Variants in RALGPS1 observed in about 807,000 individuals in gnomAD.
The protein encoded by RALGPS1 is Ral GEF with PH domain and SH3 binding motif 1, also known as ras-specific guanine nucleotide-releasing factor RalGPS1.
Under a neutral mutation model 78.8 loss-of-function variants are expected in RALGPS1, and 19 were observed. That is an observed-to-expected ratio of 0.24 (90% CI 0.17 to 0.35). RALGPS1 has a LOEUF of 0.35. RALGPS1 is among the 10% of genes least tolerant of loss of function. RALGPS1 has a pLI of 1.00. For synonymous variants in RALGPS1, 228 were observed against 256.3 expected, an observed-to-expected ratio of 0.89 and a Z score of 1.06; for missense variants, 454 against 688.3, an observed-to-expected ratio of 0.66 and a Z score of 3.81.
At chr9:126,955,589 A>T (rs1380616407) in intron 1 of RALGPS1, among the ~76,000 whole-genome samples, 1 of 152,232 alleles carries the variant, frequency 6.6e-6, no homozygotes, top group Admixed American at 6.5e-5. Context: ...AAAGAAATAC[A>T]TATATTACTA....
In RALGPS1 at chr9:127,153,940, C is replaced by T. The variant is rs866957278; in HGVS notation, c.611-12129C>T. Among the ~76,000 whole-genome samples the T allele has an allele frequency of 7.2e-5, 11 of 152,314 alleles. No individual in the cohort carries two copies. In the South Asian group the frequency reaches 8.3e-4, roughly 11 times the overall value. On this transcript the variant is annotated intron_variant, in intron 8 of 18. Coordinates refer to ENST00000259351, the MANE Select transcript of RALGPS1 (RefSeq NM_014636.3). ...TCCAGAGGGTCAAGTTTCTTGGGTCCTTTCCCAAGGGAGTTGAGTCTCATG... is the reference window on the plus strand; with the variant it reads ...TCCAGAGGGTCAAGTTTCTTGGGTCTTTTCCCAAGGGAGTTGAGTCTCATG...
chr9:127,081,466 C>T (rs2051163639), intron 8 of RALGPS1, among the ~76,000 whole-genome samples: 1 of 152,232 alleles, frequency 6.6e-6, no homozygotes, highest in African/African-American at 2.4e-5. Flanking sequence ...TGACCTAAAT[C>T]CATGCCCTGC....
chr9:127,012,856 C>T (rs2044475288), intron 4 of RALGPS1, among the ~76,000 whole-genome samples: 1 of 152,128 alleles, frequency 6.6e-6, no homozygotes, highest in South Asian at 2.1e-4. Context: ...CACCTATTGA[C>T]CAGGCACATA....
At chr9:126,962,079 A>G (rs2038945000) in intron 1 of RALGPS1, 146 bp from the exon 2 acceptor site, 4 of 570,328 alleles carry the variant, frequency 7.0e-6, no homozygotes, top group South Asian at 2.2e-5. Context: ...TCTGTGGGCC[A>G]TAGTTAGCCT....
intron 7 of RALGPS1, 80 bp downstream of exon 7, chr9:127,053,019 T>C (rs368827196): frequency 9.9e-7 from 1 of 1,007,186 alleles, no homozygotes; most frequent in African/African-American, 1.6e-5. Flanking sequence ...GCCCCAGCCT[T>C]TCTCTTACTG....
intron 4 of RALGPS1, chr9:127,017,076 G>A (rs897517338): frequency 2.6e-5 from 4 of 152,112 alleles, no homozygotes; most frequent in African/African-American, 9.7e-5. Context: ...TTAATAATTT[G>A]TTATATTTTC....
intron 8 of RALGPS1, among the ~76,000 whole-genome samples, chr9:127,161,169 A>G (rs752668131): frequency 5.3e-5 from 8 of 152,256 alleles, no homozygotes; most frequent in Non-Finnish European, 1.0e-4. Flanking sequence ...GACAGCTCCA[A>G]GCACTGGTCC....
chr9:127,109,973 A>C (rs1296115645), intron 8 of RALGPS1, among the ~76,000 whole-genome samples: 1 of 152,240 alleles, frequency 6.6e-6, no homozygotes, highest in Admixed American at 6.5e-5. Context: ...TTGCTCCAGC[A>C]GTCCTCACCG....
intron 1 of RALGPS1, among the ~76,000 whole-genome samples, chr9:126,931,437 C>A (rs1334467149): frequency 6.6e-6 from 1 of 152,056 alleles, no homozygotes; most frequent in Admixed American, 6.6e-5. Context: ...ATTATTCAGC[C>A]ATAAAAAAGA....
At chr9:127,047,754 A>G (rs1036790378) in intron 5 of RALGPS1, among the ~76,000 whole-genome samples, 6 of 150,914 alleles carry the variant, frequency 4.0e-5, no homozygotes, top group African/African-American at 1.5e-4. Flanking sequence ...AGTGTTTATG[A>G]TGTTGGTCTA....
intron 1 of RALGPS1, among the ~76,000 whole-genome samples, chr9:126,943,789 C>T (rs2131519973): frequency 6.6e-6 from 1 of 152,296 alleles, no homozygotes; most frequent in Non-Finnish European, 1.5e-5. Context: ...CTGTAGACAG[C>T]TTCCTTCTTG....
At chr9:127,000,240 G>A (rs1457547799) in intron 4 of RALGPS1, among the ~76,000 whole-genome samples, 1 of 151,946 alleles carries the variant, frequency 6.6e-6, no homozygotes, top group Admixed American at 6.6e-5. Flanking sequence ...CTTACTTTGG[G>A]TTTAATTTGC....
At chr9:127,186,588 C>T (rs1422374088) in intron 11 of RALGPS1, among the ~76,000 whole-genome samples, 1 of 152,250 alleles carries the variant, frequency 6.6e-6, no homozygotes, top group East Asian at 1.9e-4. Context: ...CAGAGGGTGT[C>T]ACTTACTGGC....
intron 8 of RALGPS1, among the ~76,000 whole-genome samples, chr9:127,084,938 C>G (rs1451403089): frequency 6.6e-6 from 1 of 152,190 alleles, no homozygotes; most frequent in Non-Finnish European, 1.5e-5. Context: ...TAACCAGAGT[C>G]TTGACAAGTC....
At chr9:127,081,383 C>G (rs893931138) in intron 8 of RALGPS1, among the ~76,000 whole-genome samples, 5 of 152,210 alleles carry the variant, frequency 3.3e-5, no homozygotes, top group African/African-American at 1.2e-4. Flanking sequence ...CCCTGTGTTC[C>G]TACCACAGGC....
At chr9:127,203,489 A>T (rs1400681383) in intron 14 of RALGPS1, among the ~76,000 whole-genome samples, 2 of 152,118 alleles carry the variant, frequency 1.3e-5, no homozygotes, top group Non-Finnish European at 2.9e-5. Context: ...CACAGGCTGT[A>T]ATACAGGTAG....
intron 8 of RALGPS1, among the ~76,000 whole-genome samples, chr9:127,114,920 G>C (rs1306814932): frequency 1.3e-5 from 2 of 152,340 alleles, no homozygotes; most frequent in East Asian, 3.9e-4. Context: ...TTAGCTAGCA[G>C]GTGTTCCTAC....
intron 8 of RALGPS1, among the ~76,000 whole-genome samples, chr9:127,121,021 C>T (rs556693377): frequency 4.2e-4 from 63 of 151,024 alleles, no homozygotes; most frequent in African/African-American, 1.5e-3. Context: ...TGAGTGGCTC[C>T]GGAGCCACAC....
At chr9:126,917,337 A>G (rs1379657364) in intron 1 of RALGPS1, among the ~76,000 whole-genome samples, 1 of 152,230 alleles carries the variant, frequency 6.6e-6, no homozygotes, top group East Asian at 1.9e-4. Flanking sequence ...TTGGTGGCAA[A>G]GAAGACCTAG....
Sources: allele counts gnomAD v4.1 joint callset (sites outside exome capture counted in the v4.1 genomes callset), GRCh38; gene constraint gnomAD v4.1.1; transcripts MANE v1.5; gene names NCBI Gene and HGNC (gene_info 2026-07-23, HGNC 2026-07-21).